ACMSD: variants seen among roughly 807,000 people sequenced by gnomAD.
ACMSD encodes the protein 2-amino-3-carboxymuconate-6-semialdehyde decarboxylase.
In ACMSD, 37 loss-of-function variants were observed where a neutral mutation model predicts 45.9. The observed-to-expected ratio is 0.81, with a 90% CI of 0.62 to 1.06. The LOEUF is 1.06. Ranked by LOEUF, ACMSD falls within the 50% of genes least tolerant of loss-of-function variation. ACMSD has a pLI of 0.00. For missense variants in ACMSD, 434 were observed against 420.9 expected (o/e 1.03, Z -0.27); for synonymous variants, 138 against 148.8 (o/e 0.93, Z 0.53).
intron 8 of ACMSD, among the ~76,000 whole-genome samples, chr2:134,893,716 C>A (rs772199534): frequency 3.3e-5 from 5 of 151,978 alleles, no homozygotes; most frequent in Non-Finnish European, 7.4e-5. Context: ...ATACTGTAAC[C>A]CTGTAATGTG....
chr2:134,886,699 T>G (rs1446727413), intron 8 of ACMSD, among the ~76,000 whole-genome samples: 1 of 152,092 alleles, frequency 6.6e-6, no homozygotes. Context: ...GAGGCAAACA[T>G]GTCCACCCTC....
intron 6 of ACMSD, among the ~76,000 whole-genome samples, chr2:134,867,999 A>T (rs1688196569): frequency 6.6e-6 from 1 of 152,166 alleles, no homozygotes; most frequent in African/African-American, 2.4e-5. Context: ...AATACATGAA[A>T]ATGTAATTTA....
intron 8 of ACMSD, among the ~76,000 whole-genome samples, chr2:134,895,892 C>A (rs2104963302): frequency 6.6e-6 from 1 of 152,086 alleles, no homozygotes; most frequent in East Asian, 1.9e-4. Flanking sequence ...TCCAGAATAG[C>A]CAAACAATCT....
At chr2:134,867,530 C>T in intron 5 of ACMSD, 49 bp from the exon 6 acceptor site, 1 of 1,444,826 alleles carries the variant, frequency 6.9e-7, no homozygotes, top group Non-Finnish European at 9.7e-7. Context: ...CTGGTATCTG[C>T]TCACTCATCA....
At chr2:134,840,119 C>T (rs1023243384) in intron 1 of ACMSD, among the ~76,000 whole-genome samples, 5 of 122,588 alleles carry the variant, frequency 4.1e-5, no homozygotes, top group Non-Finnish European at 7.9e-5. Flanking sequence ...TTAGAAAAAT[C>T]CAAATTTTAG....
At chr2:134,871,623 C>A (rs1174747675) in intron 7 of ACMSD, among the ~76,000 whole-genome samples, 2 of 148,772 alleles carry the variant, frequency 1.3e-5, no homozygotes, top group African/African-American at 2.5e-5. Flanking sequence ...CTATTTCATT[C>A]TTTTACATTG....
intron 2 of ACMSD, 71 bp downstream of exon 2, chr2:134,845,348 G>A (rs555023530): frequency 2.8e-5 from 43 of 1,563,020 alleles, no homozygotes; most frequent in Admixed American, 5.0e-5. Context: ...CCTCACTGCA[G>A]GCTGGGCCTC....
At chr2:134,857,815 T>C (rs978533318) in intron 2 of ACMSD, 4 of 150,282 alleles carry the variant, frequency 2.7e-5, no homozygotes, top group African/African-American at 9.8e-5. Context: ...ATGTTAGCTG[T>C]GGGATTGCCA....
intron 3 of ACMSD, chr2:134,859,587 A>G (rs1264066788): frequency 2.6e-6 from 1 of 388,952 alleles, no homozygotes; most frequent in African/African-American, 2.0e-5. Flanking sequence ...AGAATGCTAT[A>G]TCATGAAAAA....
chr2:134,868,003 T>C (rs1385291405), intron 6 of ACMSD, among the ~76,000 whole-genome samples: 2 of 152,188 alleles, frequency 1.3e-5, no homozygotes, highest in East Asian at 3.8e-4. Context: ...CATGAAAATG[T>C]AATTTACACA....
chr2:134,892,462 A>AAAATAAATAAATAAAT (rs4055120), intron 8 of ACMSD, among the ~76,000 whole-genome samples: 8 of 148,470 alleles, frequency 5.4e-5, no homozygotes, highest in South Asian at 4.3e-4. Context: ...TGCTGTGGAA[A>AAAATAAATAAATAAAT]AAATAAATAA....
chr2:134,848,853 T>C (rs986521427), intron 2 of ACMSD, among the ~76,000 whole-genome samples: 21 of 152,246 alleles, frequency 1.4e-4, no homozygotes, highest in African/African-American at 5.1e-4. Context: ...ATGTCCTGAA[T>C]GGTACTGCTT....
rs1397490595 is a variant in ACMSD, at chr2:134,872,622, T to C, written c.830T>C (p.Leu277Ser). Reference protein sequence around the residue: ...LVHDPLSLKLLTDVIGKDKVI... With the variant: ...LVHDPLSLKLSTDVIGKDKVI... ...CATGATCCTCTGTCCCTCAAGCTGT[T>C]AACAGATGTCATAGGAAAGGTAAGC... Residue 277 changes from leucine (L) to serine (S), a missense_variant, in exon 8 of 10, where the codon TTA becomes TCA. Leu to Ser is a moderately radical substitution (Grantham distance 145, BLOSUM62 -2). Transcript: ENST00000356140. 1 of 1,614,178 alleles carries C rather than the reference T, an allele frequency of 6.2e-7. No individual in the cohort carries two copies. Among genetic ancestry groups the C allele is most frequent in the South Asian group, 1.1e-5 (1 of 91,086 alleles).
intron 2 of ACMSD, among the ~76,000 whole-genome samples, chr2:134,846,665 C>A (rs1438148959): frequency 6.6e-6 from 1 of 152,152 alleles, no homozygotes; most frequent in Non-Finnish European, 1.5e-5. Flanking sequence ...CTTCAGCCTC[C>A]CAAAGTAGCA....
chr2:134,848,709 C>T (rs1687195234), intron 2 of ACMSD, among the ~76,000 whole-genome samples: 1 of 152,170 alleles, frequency 6.6e-6, no homozygotes, highest in East Asian at 1.9e-4. Flanking sequence ...CAAAAGCTTC[C>T]TCCCATTCTG....
intron 8 of ACMSD, among the ~76,000 whole-genome samples, chr2:134,882,571 A>G (rs1689101024): frequency 6.6e-6 from 1 of 152,228 alleles, no homozygotes; most frequent in Admixed American, 6.5e-5. Context: ...TGATCTTGGG[A>G]ATATAAAGCT....
intron 2 of ACMSD, among the ~76,000 whole-genome samples, chr2:134,857,193 A>T (rs1687623458): frequency 6.6e-6 from 1 of 152,136 alleles, no homozygotes; most frequent in South Asian, 2.1e-4. Context: ...TAATCCCAGC[A>T]CTTTGGGAGG....
chr2:134,849,432 C>T (rs1431465634), intron 2 of ACMSD, among the ~76,000 whole-genome samples: 3 of 152,098 alleles, frequency 2.0e-5, no homozygotes, highest in Non-Finnish European at 4.4e-5. Flanking sequence ...AAACAATATG[C>T]AAATGTAAAC....
intron 8 of ACMSD, among the ~76,000 whole-genome samples, chr2:134,883,496 G>A (rs1435162121): frequency 3.3e-5 from 5 of 152,090 alleles, no homozygotes; most frequent in Admixed American, 3.3e-4. Context: ...GATAGAACTA[G>A]CAATAGAAAA....
Sources: allele counts gnomAD v4.1 joint callset (sites outside exome capture counted in the v4.1 genomes callset), GRCh38; gene constraint gnomAD v4.1.1; transcripts MANE v1.5; gene names NCBI Gene and HGNC (gene_info 2026-07-23, HGNC 2026-07-21).